Variants in SLC36A4 observed in about 807,000 individuals in gnomAD.
The protein encoded by SLC36A4 is neutral amino acid uniporter 4.
SLC36A4 carries 49 observed loss-of-function variants against 50.5 expected under a neutral mutation model. That is an observed-to-expected ratio of 0.97 (90% confidence interval 0.77 to 1.23). The LOEUF (loss-of-function observed/expected upper bound fraction) is 1.23, where lower values mean the gene tolerates loss of function less well. SLC36A4 is among the 50% of genes most tolerant of loss of function. The pLI, the probability that SLC36A4 is intolerant of heterozygous loss-of-function variation, is 0.00. For missense variants in SLC36A4, 611 were observed against 608.4 expected (o/e 1.00, Z -0.05); for synonymous variants, 207 against 206.5 (o/e 1.00, Z -0.02).
chr11:93,197,150 G>A (rs3943572), intron 1 of SLC36A4: 38,091 of 152,450 alleles, frequency 0.25, 5,173 homozygotes, highest in South Asian at 0.45. Flanking sequence ...AGTACAGTAC[G>A]TATAACTGGG....
chr11:93,155,915 T>C (rs1329885068), intron 9 of SLC36A4, among the ~76,000 whole-genome samples: 1 of 152,358 alleles, frequency 6.6e-6, no homozygotes, highest in East Asian at 1.9e-4. Flanking sequence ...CTCATTCTTT[T>C]TTATGGCTGC....
chr11:93,197,666 C>A (rs1862485794), intron 1 of SLC36A4, 112 bp downstream of exon 1: 1 of 1,148,064 alleles, frequency 8.7e-7, no homozygotes, highest in Non-Finnish European at 1.2e-6. Flanking sequence ...AGTTAGCAAT[C>A]GGGCCTCAAC....
At chr11:93,183,045 G>A in intron 3 of SLC36A4, 151 bp from the exon 4 acceptor site, 1 of 576,884 alleles carries the variant, frequency 1.7e-6, no homozygotes, top group Non-Finnish European at 3.1e-6. Flanking sequence ...TAATAAACTT[G>A]ATGCAGAAGG....
At chr11:93,172,580 A>G (rs1357919163) in intron 6 of SLC36A4, among the ~76,000 whole-genome samples, 7 of 150,252 alleles carry the variant, frequency 4.7e-5, no homozygotes, top group Non-Finnish European at 1.0e-4. Context: ...ATATCTCCCA[A>G]TGCTATCCCT....
intron 1 of SLC36A4, chr11:93,197,417 G>C (rs1211649389): frequency 1.7e-5 from 6 of 358,918 alleles, no homozygotes; most frequent in Non-Finnish European, 3.1e-5. Flanking sequence ...TTGAAAAGCA[G>C]AACAATGATA....
rs1860909997 is a variant in SLC36A4 at position 93,167,169 on chromosome 11, A to T, written c.768+775T>A. 2.6e-5 allele frequency: 4 copies of T among 152,154 alleles called. No homozygotes were observed. In the South Asian group the frequency reaches 8.3e-4, roughly 32 times the overall value. The allele number at this position is 152,154 out of a possible 1,614,324, so 9.4% of individuals were successfully genotyped here. A position where few individuals can be genotyped will look rare whatever the true frequency, so the allele number is the denominator to read the frequency against. The stretch of plus-strand genomic sequence containing the variant: ...CAAAGAGGAGGGAAATGAAACACAG[A>T]TCCATAATAAGAATTTTTAATAAAT... On this transcript the variant is annotated intron_variant, in intron 7 of 10. Coordinates refer to ENST00000326402, the MANE Select transcript of SLC36A4 (RefSeq NM_152313.4).
chr11:93,192,710 A>T (rs1406479555), intron 1 of SLC36A4, among the ~76,000 whole-genome samples: 1 of 152,174 alleles, frequency 6.6e-6, no homozygotes. Flanking sequence ...TTACACTTAC[A>T]GCACATTTCA....
intron 6 of SLC36A4, among the ~76,000 whole-genome samples, chr11:93,179,832 T>C (rs898074712): frequency 1.3e-5 from 2 of 152,222 alleles, no homozygotes; most frequent in Admixed American, 1.3e-4. Flanking sequence ...TTACATATTG[T>C]TGCCTATGGC....
Position 93,185,825 on chromosome 11 carries a change from G to A in SLC36A4, c.56-11C>T. 1 of 1,565,548 alleles carries A rather than the reference G, an allele frequency of 6.4e-7. No individual in the cohort carries two copies. The highest frequency in any genetic ancestry group is 8.6e-7 in the Non-Finnish European group (1 of 1,166,394). On this transcript the variant is annotated splice_polypyrimidine_tract_variant and intron_variant, in intron 1 of 10. Transcript: ENST00000326402. ...TCATTACATCCATATCTTTAAAAAA[G>A]AAAAACAAAGTACTTCACTATTGCT...
intron 9 of SLC36A4, among the ~76,000 whole-genome samples, chr11:93,159,624 A>G (rs570858405): frequency 2.0e-4 from 30 of 152,294 alleles, no homozygotes; most frequent in African/African-American, 6.5e-4. Flanking sequence ...TAAGACAACT[A>G]TGGTTATGTA....
At chr11:93,180,418 A>G (rs1861686200) in intron 6 of SLC36A4, 1 of 727,590 alleles carries the variant, frequency 1.4e-6, no homozygotes, top group African/African-American at 1.9e-5. Context: ...AATGCTCACT[A>G]TTTTTACTTG....
rs966036548 is a variant in SLC36A4, at chr11:93,190,987, C to T, written c.56-5173G>A. Among the ~76,000 whole-genome samples, 116 of 152,280 alleles carry T rather than the reference C, an allele frequency of 7.6e-4. 1 individual carries two copies. Among genetic ancestry groups the T allele is most frequent in the African/African-American group, 2.7e-3 (111 of 41,546 alleles). Reference sequence around the variant, plus strand: ...CAGGTTTTAAGACTGAGCATATCAACTTGAATGATATAAAACAGCTCTTAA... The same window carrying T: ...CAGGTTTTAAGACTGAGCATATCAATTTGAATGATATAAAACAGCTCTTAA... On this transcript the variant is annotated intron_variant, in intron 1 of 10. Transcript: ENST00000326402.
chr11:93,164,230 G>T (rs1246321264), intron 8 of SLC36A4, among the ~76,000 whole-genome samples: 1 of 152,038 alleles, frequency 6.6e-6, no homozygotes, highest in Non-Finnish European at 1.5e-5. Context: ...ACGTGTAACT[G>T]GTTTTACATC....
At chr11:93,163,139 G>C (rs1860706814) in intron 8 of SLC36A4, among the ~76,000 whole-genome samples, 1 of 151,524 alleles carries the variant, frequency 6.6e-6, no homozygotes, top group Non-Finnish European at 1.5e-5. Flanking sequence ...GATAATTTTA[G>C]ATTTACAGAA....
At position 93,180,853 on chromosome 11, in the gene SLC36A4, T is replaced by G. The variant is rs149248615; in HGVS notation, c.484A>C (p.Thr162Pro). The stretch of plus-strand genomic sequence containing the variant: ...TAAACACTACAGAATCCCAGCTGTG[T>G]TATCACCAGAAAAAAGTCAACCACA... The part of the protein sequence containing the change: ...RSVVDFFLVI[T>P]QLGFCSVYIV... Residue 162 changes from threonine to proline, a missense_variant, in exon 6 of 11, where the codon ACA becomes CCA. Transcript: ENST00000326402. The G allele has an allele frequency of 1.9e-6, 3 of 1,612,986 alleles. No individual in the cohort carries two copies. The highest frequency in any genetic ancestry group is 2.5e-6 in the Non-Finnish European group (3 of 1,179,282).
chr11:93,162,339 G>T (rs897723676), intron 9 of SLC36A4, among the ~76,000 whole-genome samples: 5 of 151,568 alleles, frequency 3.3e-5, no homozygotes, highest in Non-Finnish European at 5.9e-5. Flanking sequence ...ACGGAGTTTC[G>T]CTCTTGTCAC....
At chr11:93,197,083 CATTTAG>C (rs1862460726) in intron 1 of SLC36A4, 1 of 152,134 alleles carries the variant, frequency 6.6e-6, no homozygotes, top group Non-Finnish European at 1.5e-5. Flanking sequence ...TTGAAGATTC[CATTTAG>C]ATTTAATTTT....
chr11:93,173,212 T>C (rs1461955478), intron 6 of SLC36A4, among the ~76,000 whole-genome samples: 2 of 149,884 alleles, frequency 1.3e-5, no homozygotes, highest in South Asian at 4.3e-4. Flanking sequence ...ATGAGCATTT[T>C]TTCATGTGTT....
intron 6 of SLC36A4, 50 bp from the exon 7 acceptor site, chr11:93,168,221 C>G: frequency 1.8e-6 from 2 of 1,131,770 alleles, no homozygotes; most frequent in Non-Finnish European, 2.6e-6. Context: ...CTTCCATCAA[C>G]TTACAATCAT....
Sources: gnomAD v4.1 joint callset for allele counts (sites outside exome capture counted in the v4.1 genomes callset) on GRCh38, gnomAD v4.1.1 for gene constraint, MANE v1.5 for transcripts, NCBI Gene and HGNC (gene_info 2026-07-23, HGNC 2026-07-21) for gene names.